NOL4: variants seen among roughly 807,000 people sequenced by gnomAD.
The protein encoded by NOL4 is cancer/testis antigen 125.
Under a neutral mutation model 75.9 loss-of-function variants are expected in NOL4, and 17 were observed. The ratio of observed to expected loss-of-function variants is 0.22; its 90% CI spans 0.15 to 0.34. The LOEUF is 0.34. Among genes scored for constraint, NOL4 ranks in the 10% least tolerant of loss-of-function variants. The probability of loss-of-function intolerance (pLI) is 1.00; values close to 1 mark genes in which losing one functional copy is unlikely to be tolerated. For synonymous variants in NOL4, 292 were observed against 289.9 expected, an observed-to-expected ratio of 1.01 and a Z score of -0.07; for missense variants, 614 against 793.5, an observed-to-expected ratio of 0.77 and a Z score of 2.72.
intron 9 of NOL4, among the ~76,000 whole-genome samples, chr18:33,942,374 A>G (rs1231401939): frequency 6.6e-6 from 1 of 151,966 alleles, no homozygotes; most frequent in Non-Finnish European, 1.5e-5. Context: ...AGAGAAAGAC[A>G]TTTCTGGGAT....
chr18:34,223,161 T>C lies in NOL4; in HGVS notation c.93A>G (p.Lys31=). Residue 31 remains lysine, a synonymous_variant, in exon 1 of 11, where the codon AAA becomes AAG. Coordinates refer to ENST00000261592, the MANE Select transcript of NOL4 (RefSeq NM_003787.5). ...DSGKTKTVTR[K]KYERIVQLLN... ...GGAGCTGGACGATCCGTTCGTATTT[T>C]TTACGGGTCACCGTCTTGGTCTTGC... is the stretch of plus-strand genomic sequence containing the variant. The C allele has an allele frequency of 6.2e-7, 1 of 1,614,206 alleles. No individual in the cohort carries two copies. Among genetic ancestry groups the C allele is most frequent in the Non-Finnish European group, 8.5e-7 (1 of 1,180,048 alleles).
chr18:34,092,223 C>T (rs1202732686), intron 5 of NOL4, among the ~76,000 whole-genome samples: 1 of 152,066 alleles, frequency 6.6e-6, no homozygotes, highest in African/African-American at 2.4e-5. Context: ...AATGCCTACT[C>T]ATGTTTTAGA....
At chr18:34,144,083 G>C (rs754236819) in intron 1 of NOL4, among the ~76,000 whole-genome samples, 99 of 152,126 alleles carry the variant, frequency 6.5e-4, no homozygotes, top group Non-Finnish European at 1.2e-3. Flanking sequence ...TCACCATAAT[G>C]ATACTATAAA....
intron 9 of NOL4, among the ~76,000 whole-genome samples, chr18:33,936,196 C>T (rs954082329): frequency 6.6e-6 from 1 of 152,070 alleles, no homozygotes; most frequent in South Asian, 2.1e-4. Context: ...GCTTACGTGG[C>T]TACATTTTCA....
chr18:34,069,614 A>G (rs374708588), intron 5 of NOL4, among the ~76,000 whole-genome samples: 1 of 152,164 alleles, frequency 6.6e-6, no homozygotes, highest in South Asian at 2.1e-4. Context: ...ATGAAAACCA[A>G]AGAGAAAATA....
At chr18:34,113,291 T>G (rs1248588801) in intron 2 of NOL4, among the ~76,000 whole-genome samples, 3 of 152,090 alleles carry the variant, frequency 2.0e-5, no homozygotes, top group Non-Finnish European at 4.4e-5. Flanking sequence ...CAATTTTCAT[T>G]TACCAAGTAT....
At chr18:34,194,166 A>G (rs1334238066) in intron 1 of NOL4, among the ~76,000 whole-genome samples, 2 of 152,158 alleles carry the variant, frequency 1.3e-5, no homozygotes, top group African/African-American at 4.8e-5. Context: ...TTTGGTGACT[A>G]CAGTTAAAAA....
chr18:34,016,649 ATC>A (rs1401542258), intron 6 of NOL4, among the ~76,000 whole-genome samples: 1 of 151,988 alleles, frequency 6.6e-6, no homozygotes, highest in African/African-American at 2.4e-5. Flanking sequence ...TCTGGCATCA[ATC>A]TCTCTTTAGA....
intron 5 of NOL4, among the ~76,000 whole-genome samples, chr18:34,078,994 A>G (rs1039281616): frequency 6.6e-6 from 1 of 151,986 alleles, no homozygotes; most frequent in African/African-American, 2.4e-5. Flanking sequence ...AATAGAAGAC[A>G]TTTTTTCTTT....
chr18:34,051,945 A>T (rs2076641246), intron 5 of NOL4, among the ~76,000 whole-genome samples: 2 of 152,074 alleles, frequency 1.3e-5, no homozygotes, highest in African/African-American at 4.8e-5. Flanking sequence ...GATAAGGGCC[A>T]TAAAAGAGCC....
At chr18:33,895,263 C>T (rs2144887358) in intron 9 of NOL4, among the ~76,000 whole-genome samples, 1 of 152,082 alleles carries the variant, frequency 6.6e-6, no homozygotes, top group East Asian at 1.9e-4. Context: ...CAAGAAGTAA[C>T]TAGATGCAAT....
rs35281852 is a variant in NOL4, at chr18:34,046,607, CATATATATATATAT to C, written c.773-27020_773-27007del. ...TTTTAAAATTTACTATTTACTTATA[CATATATATATATAT>C]ATATATATATATATATGTATATGTA... On this transcript the variant is annotated intron_variant, in intron 5 of 10. Coordinates refer to ENST00000261592, the MANE Select transcript of NOL4 (RefSeq NM_003787.5). Among the ~76,000 whole-genome samples the C allele has an allele frequency of 2.9e-3, 238 of 81,660 alleles. 5 individuals are homozygous for C. The highest frequency in any genetic ancestry group is 9.8e-3 in the African/African-American group (209 of 21,392). 53.6% of individuals were successfully genotyped at this position (81,660 alleles called of 152,430 possible).
At chr18:34,048,686 A>G in intron 5 of NOL4, 2 of 784,194 alleles carry the variant, frequency 2.6e-6, no homozygotes, top group Non-Finnish European at 3.1e-6. Flanking sequence ...GCCTTCAAAG[A>G]CTCAGGGAAA....
intron 5 of NOL4, among the ~76,000 whole-genome samples, chr18:34,034,664 C>T (rs778829493): frequency 5.9e-5 from 9 of 152,104 alleles, no homozygotes; most frequent in Middle Eastern, 3.4e-3. Flanking sequence ...ACTTGAACTT[C>T]GGGAGGTGGA....
chr18:34,047,844 A>G (rs574229967), intron 5 of NOL4, among the ~76,000 whole-genome samples: 2 of 152,190 alleles, frequency 1.3e-5, no homozygotes, highest in Non-Finnish European at 1.5e-5. Context: ...AAAATCCTGA[A>G]AGGTATACAC....
intron 1 of NOL4, among the ~76,000 whole-genome samples, chr18:34,215,661 G>A (rs2146597287): frequency 6.6e-6 from 1 of 152,210 alleles, no homozygotes; most frequent in African/African-American, 2.4e-5. Context: ...AGAAAAATGT[G>A]TTTCTAGACA....
At chr18:34,087,071 G>C (rs75154477) in intron 5 of NOL4, among the ~76,000 whole-genome samples, 5,148 of 152,158 alleles carry the variant, frequency 0.034, 90 homozygotes, top group Middle Eastern at 0.048. Context: ...TGGCACTCCA[G>C]AACAGCTAGG....
At chr18:34,066,705 C>T (rs1308214210) in intron 5 of NOL4, among the ~76,000 whole-genome samples, 2 of 147,988 alleles carry the variant, frequency 1.4e-5, no homozygotes, top group Non-Finnish European at 3.0e-5. Flanking sequence ...AAAAAAACAA[C>T]ACTGAAGTAT....
intron 1 of NOL4, among the ~76,000 whole-genome samples, chr18:34,142,570 C>A (rs1177492338): frequency 2.0e-5 from 3 of 152,104 alleles, no homozygotes; most frequent in Admixed American, 6.6e-5. Flanking sequence ...TCTCAGCAAA[C>A]TATCGCAAGG....
Sources: allele counts gnomAD v4.1 joint callset (sites outside exome capture counted in the v4.1 genomes callset), GRCh38; gene constraint gnomAD v4.1.1; transcripts MANE v1.5; gene names NCBI Gene and HGNC (gene_info 2026-07-23, HGNC 2026-07-21).